Variants in GRIK3 observed in about 807,000 individuals in gnomAD.
GRIK3 encodes glutamate receptor ionotropic, kainate 3.
A neutral mutation model predicts 102.5 loss-of-function variants in GRIK3; 29 were observed. The observed-to-expected ratio is 0.28, with a 90% CI of 0.21 to 0.39. The LOEUF (loss-of-function observed/expected upper bound fraction) is 0.39, where lower values mean the gene tolerates loss of function less well. GRIK3 is among the 10% of genes least tolerant of loss of function. The probability of loss-of-function intolerance (pLI) is 1.00; values close to 1 mark genes in which losing one functional copy is unlikely to be tolerated. For missense variants in GRIK3, 908 were observed against 1,252.4 expected (o/e 0.73, Z 4.15); for synonymous variants, 511 against 504.9 (o/e 1.01, Z -0.16).
At chr1:36,907,478 G>A (rs577672003) in intron 1 of GRIK3, among the ~76,000 whole-genome samples, 4 of 152,148 alleles carry the variant, frequency 2.6e-5, no homozygotes, top group Non-Finnish European at 5.9e-5. Context: ...CGTTAGAAAA[G>A]TCAGCTACAG....
At chr1:36,988,861 C>T (rs1642333390) in intron 1 of GRIK3, among the ~76,000 whole-genome samples, 2 of 152,160 alleles carry the variant, frequency 1.3e-5, no homozygotes, top group African/African-American at 2.4e-5. Context: ...GATTTAAAGG[C>T]CTTTTCAGTT....
At chr1:36,997,913 G>T (rs1457326234) in intron 1 of GRIK3, among the ~76,000 whole-genome samples, 1 of 152,178 alleles carries the variant, frequency 6.6e-6, no homozygotes. Context: ...AGGTGACCAG[G>T]CCCATTTTCC....
At chr1:36,929,321 T>C (rs572185112) in intron 1 of GRIK3, among the ~76,000 whole-genome samples, 236 of 152,218 alleles carry the variant, frequency 1.6e-3, no homozygotes, top group Middle Eastern at 3.4e-3. Flanking sequence ...TCTGTGAACA[T>C]TGTAGAATAA....
At chr1:36,937,739 C>A (rs1032413265) in intron 1 of GRIK3, among the ~76,000 whole-genome samples, 1 of 152,136 alleles carries the variant, frequency 6.6e-6, no homozygotes, top group Non-Finnish European at 1.5e-5. Flanking sequence ...ATTCCAATTG[C>A]GATTGCTTCA....
At chr1:36,939,226 C>T (rs941457544) in intron 1 of GRIK3, among the ~76,000 whole-genome samples, 4 of 152,202 alleles carry the variant, frequency 2.6e-5, no homozygotes, top group African/African-American at 7.2e-5. Flanking sequence ...GGGAGCGGGG[C>T]GGAGAGGTGC....
chr1:36,984,632 G>T (rs1194743316), intron 1 of GRIK3, among the ~76,000 whole-genome samples: 1 of 152,242 alleles, frequency 6.6e-6, no homozygotes, highest in South Asian at 2.1e-4. Flanking sequence ...GGCATGGATG[G>T]AAGAGTGCAC....
chr1:36,948,096 G>A (rs1641804148), intron 1 of GRIK3, among the ~76,000 whole-genome samples: 1 of 152,148 alleles, frequency 6.6e-6, no homozygotes, highest in Non-Finnish European at 1.5e-5. Context: ...AGAATAAAAG[G>A]TTTGTGTCTC....
chr1:36,832,471 C>G (rs936272495), intron 10 of GRIK3, among the ~76,000 whole-genome samples: 2 of 152,210 alleles, frequency 1.3e-5, no homozygotes, highest in Non-Finnish European at 1.5e-5. Context: ...GGGCCTTGGA[C>G]ATGAACCTGA....
chr1:36,934,547 T>C (rs1031634003), intron 1 of GRIK3, among the ~76,000 whole-genome samples: 1 of 152,214 alleles, frequency 6.6e-6, no homozygotes, highest in Non-Finnish European at 1.5e-5. Flanking sequence ...TCAACTCAAA[T>C]GTCACATCTT....
At chr1:36,898,468 T>C (rs977227354) in intron 1 of GRIK3, among the ~76,000 whole-genome samples, 1 of 152,282 alleles carries the variant, frequency 6.6e-6, no homozygotes, top group Admixed American at 6.5e-5. Flanking sequence ...ATCTATTATG[T>C]ACCCACAAAA....
At chr1:36,869,236 G>C (rs929568450) in intron 5 of GRIK3, among the ~76,000 whole-genome samples, 1 of 152,190 alleles carries the variant, frequency 6.6e-6, no homozygotes, top group South Asian at 2.1e-4. Flanking sequence ...AGCTGACAGT[G>C]AGTGGGCAGA....
intron 2 of GRIK3, among the ~76,000 whole-genome samples, chr1:36,881,849 G>A (rs1357259472): frequency 2.6e-5 from 4 of 152,088 alleles, no homozygotes; most frequent in South Asian, 2.1e-4. Context: ...TTCTGACTTC[G>A]TCTCCCATCC....
Position 36,859,097 on chromosome 1 carries a change from G to C in GRIK3, c.1104+11C>G. ...GGGAGACAACACTGGTGGGGGCTGT[G>C]GGGCACTCACCTCCTTGATGAAGTT... On this transcript the variant is annotated intron_variant, in intron 7 of 15. Transcript: ENST00000373091. 6.3e-7 allele frequency: 1 copy of C among 1,599,994 alleles called. No individual in the cohort carries two copies. The highest frequency in any genetic ancestry group is 8.5e-7 in the Non-Finnish European group (1 of 1,170,058).
chr1:36,857,139 AGTG>A (rs920965970), intron 7 of GRIK3, among the ~76,000 whole-genome samples: 2 of 152,220 alleles, frequency 1.3e-5, no homozygotes, highest in African/African-American at 4.8e-5. Flanking sequence ...CCAGTTAAAA[AGTG>A]GTGAAGCTTC....
At chr1:36,814,802 C>A (rs1642606003) in intron 13 of GRIK3, among the ~76,000 whole-genome samples, 1 of 152,056 alleles carries the variant, frequency 6.6e-6, no homozygotes, top group Admixed American at 6.5e-5. Context: ...AGCAGACAGA[C>A]AAATGTATTT....
intron 1 of GRIK3, among the ~76,000 whole-genome samples, chr1:37,018,191 C>T (rs1642673789): frequency 6.6e-6 from 1 of 152,200 alleles, no homozygotes; most frequent in Non-Finnish European, 1.5e-5. Context: ...TTCTCTGCTG[C>T]AAAACTCATC....
intron 1 of GRIK3, among the ~76,000 whole-genome samples, chr1:36,922,689 C>T (rs11263950): frequency 1.3e-5 from 2 of 152,290 alleles, no homozygotes; most frequent in Admixed American, 6.5e-5. Context: ...TTGGACTTCA[C>T]GTAGACTTTC....
chr1:36,871,666 T>TC (rs949840188), intron 4 of GRIK3, among the ~76,000 whole-genome samples: 4 of 152,094 alleles, frequency 2.6e-5, no homozygotes, highest in African/African-American at 9.7e-5. Context: ...GCCATTCTCC[T>TC]CCCCCTCTGT....
In GRIK3 at chr1:36,797,077, C is replaced by G. The variant is rs1288071424; in HGVS notation, c.*4774G>C. 2.0e-5 allele frequency: 3 copies of G among 151,920 alleles called. No individual in the cohort carries two copies. In the East Asian group the frequency reaches 5.8e-4, roughly 29 times the overall value. 9.4% of individuals were successfully genotyped at this position (151,920 alleles called of 1,614,324 possible). On this transcript the variant is annotated 3_prime_UTR_variant, in exon 16 of 16. Transcript: ENST00000373091. Reference sequence around the variant, plus strand: ...CCTGGCAGCACCATGTAGCTCTGCCCTCTTCTTCAGGGTCTGGAGCTCTGA... The same window carrying G: ...CCTGGCAGCACCATGTAGCTCTGCCGTCTTCTTCAGGGTCTGGAGCTCTGA...
Sources: allele counts gnomAD v4.1 joint callset (sites outside exome capture counted in the v4.1 genomes callset), GRCh38; gene constraint gnomAD v4.1.1; transcripts MANE v1.5; gene names NCBI Gene and HGNC (gene_info 2026-07-23, HGNC 2026-07-21).